The following ASXL1 variants were observed in gnomAD, a reference collection of about 807,000 sequenced individuals.
The protein encoded by ASXL1 is ASXL transcriptional regulator 1.
In ASXL1, 65 loss-of-function variants were observed where a neutral mutation model predicts 89.1. That is an observed-to-expected ratio of 0.73 (90% CI 0.60 to 0.90). The LOEUF is 0.90. ASXL1 is among the 40% of genes least tolerant of loss of function. The pLI, the probability that ASXL1 is intolerant of heterozygous loss-of-function variation, is 0.00. For synonymous variants in ASXL1, 739 were observed against 746.9 expected, an observed-to-expected ratio of 0.99 and a Z score of 0.17; for missense variants, 1,786 against 1,942.9, an observed-to-expected ratio of 0.92 and a Z score of 1.52.
intron 4 of ASXL1, among the ~76,000 whole-genome samples, chr20:32,373,727 C>A (rs1311399255): frequency 6.6e-6 from 1 of 151,808 alleles, no homozygotes; most frequent in African/African-American, 2.4e-5. Context: ...ATTAGCTGGG[C>A]ATGGTGGTGG....
chr20:32,432,056 G>A (rs1047910015), intron 10 of ASXL1, among the ~76,000 whole-genome samples: 1 of 152,296 alleles, frequency 6.6e-6, no homozygotes, highest in African/African-American at 2.4e-5. Flanking sequence ...GTGATTGTTA[G>A]CTTCTATTAA....
In ASXL1 at chr20:32,437,475, C is replaced by T. The variant is rs1167946986; in HGVS notation, c.*137C>T. The T allele has an allele frequency of 4.5e-6, 6 of 1,335,874 alleles. No individual in the cohort carries two copies. Among genetic ancestry groups the T allele is most frequent in the South Asian group, 1.3e-5 (1 of 79,356 alleles). 82.8% of individuals were successfully genotyped at this position (1,335,874 alleles called of 1,614,324 possible). On this transcript the variant is annotated 3_prime_UTR_variant, in exon 13 of 13. Transcript: ENST00000375687. Reference sequence around the variant, plus strand: ...CTCTTGCCTTCCCCCAAAATTTACACTGCTAAAGCCCTCTGTCACTTGGCG... The same window carrying T: ...CTCTTGCCTTCCCCCAAAATTTACATTGCTAAAGCCCTCTGTCACTTGGCG...
At chr20:32,415,505 G>C (rs1490693869) in intron 4 of ASXL1, among the ~76,000 whole-genome samples, 1 of 152,128 alleles carries the variant, frequency 6.6e-6, no homozygotes, top group African/African-American at 2.4e-5. Flanking sequence ...AGACCTGAGG[G>C]GGTCTGACTG....
At chr20:32,432,202 G>A (rs1454837183) in intron 10 of ASXL1, among the ~76,000 whole-genome samples, 3 of 152,186 alleles carry the variant, frequency 2.0e-5, no homozygotes, top group Non-Finnish European at 4.4e-5. Flanking sequence ...AGTAAAATCA[G>A]CAGATGGAGA....
chr20:32,358,931 C>G (rs2048060152), intron 1 of ASXL1, 99 bp downstream of exon 1: 1 of 1,222,580 alleles, frequency 8.2e-7, no homozygotes, highest in Non-Finnish European at 1.1e-6. Context: ...CCCTGCCCAC[C>G]GCGGGAGGGG....
At chr20:32,401,544 G>GCTT (rs1555907088) in intron 4 of ASXL1, among the ~76,000 whole-genome samples, 2,517 of 69,328 alleles carry the variant, frequency 0.036, 88 homozygotes, top group African/African-American at 0.083. Flanking sequence ...GTGTGTGTGT[G>GCTT]TTTTTTCCCC....
rs2011768126 is a variant in ASXL1, at chr20:32,435,375, A to G, written c.2663A>G (p.Lys888Arg). Residue 888 changes from lysine (K) to arginine (R), a missense_variant, in exon 13 of 13, where the codon AAG (lysine) becomes AGG (arginine). Lys to Arg is a conservative substitution (Grantham distance 26). Transcript: ENST00000375687. The part of the protein sequence containing the change: ...SDTRQENLKT[K>R]ALVSNSSLHW... ...ACTAGACAAGAAAACTTGAAAACCA[A>G]GGCTCTCGTTTCTAACAGTTCTTTG... The G allele has an allele frequency of 6.2e-7, 1 of 1,614,080 alleles. No individual in the cohort carries two copies. The highest frequency in any genetic ancestry group is 2.2e-5 in the East Asian group (1 of 44,896).
At chr20:32,397,289 A>G (rs1293350290) in intron 4 of ASXL1, among the ~76,000 whole-genome samples, 1 of 80,858 alleles carries the variant, frequency 1.2e-5, no homozygotes, top group Non-Finnish European at 2.2e-5. Flanking sequence ...TTTGGTAGAG[A>G]TGGGGTTTCA....
At position 32,434,515 on chromosome 20, in the gene ASXL1, G is replaced by A. The variant is rs747758035; in HGVS notation, c.1803G>A (p.Thr601=). 17 of 1,613,992 alleles carry A rather than the reference G, an allele frequency of 1.1e-5. No individual in the cohort carries two copies. The highest frequency in any genetic ancestry group is 8.8e-5 in the South Asian group (8 of 91,074). The change falls in exon 13 of 13, where the codon ACG becomes ACA. Residue 601 remains threonine (T), a synonymous_variant. Transcript: ENST00000375687. ...YQICPRIIPT[T]ESSCRGWTGA... is the part of the protein sequence containing the mutation. ...TATGCCCCCGGATCATCCCCACCAC[G>A]GAGTCCTCCTGCCGGGGTTGGACTG...
chr20:32,371,190 G>A (rs908737406), intron 4 of ASXL1, among the ~76,000 whole-genome samples: 4 of 152,080 alleles, frequency 2.6e-5, no homozygotes, highest in African/African-American at 9.7e-5. Context: ...GGTGGAATAT[G>A]CATCCCTGGC....
intron 4 of ASXL1, among the ~76,000 whole-genome samples, chr20:32,384,300 G>C (rs1254246742): frequency 6.7e-6 from 1 of 148,646 alleles, no homozygotes; most frequent in Non-Finnish European, 1.5e-5. Flanking sequence ...TCCGCCTCCT[G>C]GGTTCAAGCG....
intron 4 of ASXL1, among the ~76,000 whole-genome samples, chr20:32,417,571 G>T (rs538148527): frequency 1.3e-5 from 2 of 152,220 alleles, no homozygotes; most frequent in African/African-American, 4.8e-5. Flanking sequence ...AGCATGTATG[G>T]AGATTGCTTT....
At chr20:32,418,958 G>A (rs1057467256) in intron 4 of ASXL1, among the ~76,000 whole-genome samples, 2 of 150,890 alleles carry the variant, frequency 1.3e-5, no homozygotes, top group African/African-American at 2.4e-5. Flanking sequence ...TTAGCCTTGC[G>A]AGTAGCTAGG....
chr20:32,397,357 C>T, intron 4 of ASXL1, among the ~76,000 whole-genome samples: 1 of 138,536 alleles, frequency 7.2e-6, no homozygotes, highest in Non-Finnish European at 1.5e-5. Flanking sequence ...GCCTTGGCCT[C>T]CTAAGGTGTT....
chr20:32,429,285 T>G lies in ASXL1; in HGVS notation c.472-53T>G. 1.3e-6 allele frequency: 2 copies of G among 1,561,346 alleles called. No homozygotes were observed. Among genetic ancestry groups the G allele is most frequent in the Non-Finnish European group, 1.8e-6 (2 of 1,136,154 alleles). ...AGAGATAGTGTCGCCAGGGAATGCT[T>G]TTGTGGCTCTGCAGTTGACTTGGGC... On this transcript the variant is annotated intron_variant, in intron 6 of 12. Coordinates refer to ENST00000375687, the MANE Select transcript of ASXL1 (RefSeq NM_015338.6). The surrounding 1 kb of genome is among the most constrained non-coding windows in gnomAD (Gnocchi z 4.9).
At chr20:32,382,222 G>A (rs1268799870) in intron 4 of ASXL1, among the ~76,000 whole-genome samples, 6 of 151,830 alleles carry the variant, frequency 4.0e-5, no homozygotes, top group South Asian at 2.1e-4. Flanking sequence ...TGATCCACCC[G>A]CCTTGACCTC....
rs1269276066 is a variant in ASXL1, at chr20:32,419,122, T to C, written c.253-9006T>C. On this transcript the variant is annotated intron_variant, in intron 4 of 12. Transcript: ENST00000375687. ...CTGGGATTACAGGCTTGAGCCACCA[T>C]GCCCAGCCAAATTGACATCTTTATG... is the stretch of plus-strand genomic sequence containing the variant. Among the ~76,000 whole-genome samples, 5 of 151,806 alleles carry C rather than the reference T, an allele frequency of 3.3e-5. No individual in the cohort carries two copies. The East Asian group carries it at 9.8e-4, about 30-fold the overall frequency.
Position 32,433,595 on chromosome 20 carries a change from T to G in ASXL1, c.1397T>G (p.Leu466Arg), listed in dbSNP as rs768821760. Residue 466 changes from leucine (L) to arginine (R), a missense_variant, in exon 12 of 13, where the codon CTG becomes CGG. Leu to Arg is a moderately radical substitution (Grantham distance 102). Coordinates refer to ENST00000375687, the MANE Select transcript of ASXL1 (RefSeq NM_015338.6). The part of the protein sequence containing the change: ...TDPAGLSSPH[L>R]PGTSSAAPDL... ...CCAGCAGGGCTGAGCAGTCCCCATCTGCCAGGCACATCCTCTGCAGCACCC... is the reference window on the plus strand; with the variant it reads ...CCAGCAGGGCTGAGCAGTCCCCATCGGCCAGGCACATCCTCTGCAGCACCC... 6.2e-7 allele frequency: 1 copy of G among 1,614,142 alleles called. No individual in the cohort carries two copies. Among genetic ancestry groups the G allele is most frequent in the South Asian group, 1.1e-5 (1 of 91,084 alleles).
At chr20:32,387,202 A>T (rs1484659367) in intron 4 of ASXL1, among the ~76,000 whole-genome samples, 1 of 152,074 alleles carries the variant, frequency 6.6e-6, no homozygotes, top group Non-Finnish European at 1.5e-5. Context: ...GTTACTCAGG[A>T]GGCTGAGGTA....
Sources: allele counts gnomAD v4.1 joint callset (sites outside exome capture counted in the v4.1 genomes callset), GRCh38; gene constraint gnomAD v4.1.1; non-coding constraint Gnocchi (gnomAD v3.1); transcripts MANE v1.5; gene names NCBI Gene and HGNC (gene_info 2026-07-23, HGNC 2026-07-21).